The following TMEM167A variants were observed in gnomAD, a reference collection of about 807,000 sequenced individuals.
TMEM167A encodes the protein transmembrane protein 167A.
In TMEM167A, 8 loss-of-function variants were observed where a neutral mutation model predicts 11.6. That is an observed-to-expected ratio of 0.69 (90% confidence interval 0.40 to 1.24). TMEM167A has a LOEUF of 1.24. Among genes scored for constraint, TMEM167A ranks in the 50% most tolerant of loss-of-function variants. The pLI, the probability that TMEM167A is intolerant of heterozygous loss-of-function variation, is 0.01. For missense variants in TMEM167A, 62 were observed against 87.0 expected (o/e 0.71, Z 1.14); for synonymous variants, 22 against 28.0 (o/e 0.79, Z 0.67).
intron 3 of TMEM167A, among the ~76,000 whole-genome samples, chr5:83,059,195 T>C (rs1580172943): frequency 6.6e-6 from 1 of 150,452 alleles, no homozygotes; most frequent in Middle Eastern, 3.5e-3. Flanking sequence ...CTAGACACTA[T>C]TTATACTCAG....
At chr5:83,074,771 ACTCT>A (rs1233918826) in intron 1 of TMEM167A, among the ~76,000 whole-genome samples, 1 of 126,368 alleles carries the variant, frequency 7.9e-6, no homozygotes, top group Non-Finnish European at 1.8e-5. Flanking sequence ...GTATCCCCAG[ACTCT>A]TTTTTTTTTT....
rs746494762 is a variant in TMEM167A, at chr5:83,065,031, G to C, written c.90C>G (p.Ser30Arg). The C allele has an allele frequency of 8.7e-6, 14 of 1,605,218 alleles. No individual in the cohort carries two copies. The African/African-American group carries it at 1.9e-4, about 22-fold the overall frequency. Residue 30 changes from serine to arginine, a missense_variant, in exon 2 of 4, where the codon AGC becomes AGG. Ser to Arg is a moderately radical substitution (Grantham distance 110). Coordinates refer to ENST00000502346, the MANE Select transcript of TMEM167A (RefSeq NM_174909.5). ...ACCCAGTTTTATTTCTGTCCAGGAGGCTGGGTGCCAAGGATCGAATATAAG... is the reference window on the plus strand; with the variant it reads ...ACCCAGTTTTATTTCTGTCCAGGAGCCTGGGTGCCAAGGATCGAATATAAG... Reference protein sequence around the residue: ...TCAYIRSLAPSLLDRNKTGLL... With the variant: ...TCAYIRSLAPRLLDRNKTGLL...
chr5:83,063,617 A>G (rs899230620), intron 2 of TMEM167A, among the ~76,000 whole-genome samples: 3 of 152,064 alleles, frequency 2.0e-5, no homozygotes, highest in African/African-American at 7.2e-5. Flanking sequence ...TTGGTAACTC[A>G]GAGACTTAGC....
Position 83,057,056 on chromosome 5 carries a change from G to A in TMEM167A, c.*28C>T, listed in dbSNP as rs1469123125. 1 of 1,599,924 alleles carries A rather than the reference G, an allele frequency of 6.3e-7. No homozygotes were observed. Among genetic ancestry groups the A allele is most frequent in the Non-Finnish European group, 8.6e-7 (1 of 1,169,530 alleles). On this transcript the variant is annotated 3_prime_UTR_variant, in exon 4 of 4. Coordinates refer to ENST00000502346, the MANE Select transcript of TMEM167A (RefSeq NM_174909.5). ...GTCCTTGTTCACAATCAAATCTGATGGCAACTACATTCTGGCATTTTCCCC... is the reference window on the plus strand; with the variant it reads ...GTCCTTGTTCACAATCAAATCTGATAGCAACTACATTCTGGCATTTTCCCC...
At position 83,053,567 on chromosome 5, in the gene TMEM167A, G is replaced by C. The variant is rs1744289012; in HGVS notation, c.*3517C>G. ...TAAATTTCTGCCCTTGAGTAGTTTT[G>C]TGTTAGGCAGGAGGAAAAACATATT... is the stretch of plus-strand genomic sequence containing the variant. On this transcript the variant is annotated 3_prime_UTR_variant, in exon 4 of 4. Coordinates refer to ENST00000502346, the MANE Select transcript of TMEM167A (RefSeq NM_174909.5). 6.6e-6 allele frequency: 1 copy of C among 151,960 alleles called. No individual in the cohort carries two copies. Among genetic ancestry groups the C allele is most frequent in the Non-Finnish European group, 1.5e-5 (1 of 67,926 alleles). The allele number at this position is 151,960 out of a possible 1,614,324, so 9.4% of individuals were successfully genotyped here. A position where few individuals can be genotyped will look rare whatever the true frequency, so the allele number is the denominator to read the frequency against.
chr5:83,053,664 T>C lies in TMEM167A; in HGVS notation c.*3420A>G, dbSNP rs1744290142. 6.6e-6 allele frequency: 1 copy of C among 152,020 alleles called. No individual in the cohort carries two copies. Among genetic ancestry groups the C allele is most frequent in the Non-Finnish European group, 1.5e-5 (1 of 67,950 alleles). 9.4% of individuals were successfully genotyped at this position (152,020 alleles called of 1,614,324 possible). ...GTCTAAGATCTAACCTTTGCCTACC[T>C]TTCTAGGCTTATGTCTTAATACTCC... On this transcript the variant is annotated 3_prime_UTR_variant, in exon 4 of 4. Transcript: ENST00000502346.
intron 1 of TMEM167A, among the ~76,000 whole-genome samples, chr5:83,072,271 GA>G (rs1027691504): frequency 2.6e-5 from 4 of 151,798 alleles, no homozygotes; most frequent in Non-Finnish European, 4.4e-5. Flanking sequence ...ATGGTAGAGT[GA>G]AAAAAAATTA....
intron 2 of TMEM167A, chr5:83,064,274 A>T (rs1234011102): frequency 1.9e-6 from 1 of 518,802 alleles, no homozygotes; most frequent in South Asian, 1.4e-5. Context: ...TCCTTTGTTA[A>T]TGTAGCATGT....
intron 3 of TMEM167A, among the ~76,000 whole-genome samples, chr5:83,058,760 G>C (rs1744367691): frequency 6.6e-6 from 1 of 151,994 alleles, no homozygotes; most frequent in Non-Finnish European, 1.5e-5. Context: ...TTTACATGTG[G>C]ATTTAATTTT....
In TMEM167A at chr5:83,065,082, T is replaced by C; in HGVS notation, c.39A>G (p.Val13=). Reference sequence around the variant, plus strand: ...CACAGGTACATATAAGCAGCAAGATTACAGTCAATAGACTCTGAAAATTGA... The same window carrying C: ...CACAGGTACATATAAGCAGCAAGATCACAGTCAATAGACTCTGAAAATTGA... ...AIFNFQSLLT[V]ILLLICTCAY... The change falls in exon 2 of 4, where the codon GTA becomes GTG. Residue 13 remains valine (V), a synonymous_variant. Transcript: ENST00000502346. 1.2e-6 allele frequency: 2 copies of C among 1,600,446 alleles called. No individual in the cohort carries two copies. The highest frequency in any genetic ancestry group is 1.7e-6 in the Non-Finnish European group (2 of 1,175,994).
Position 83,064,104 on chromosome 5 carries a change from T to C in TMEM167A, c.113+904A>G. ...TCAACATAAAATGGTGCTTAACACG[T>C]ATATAAGTAGAAATAAAGGTTTTAA... On this transcript the variant is annotated intron_variant, in intron 2 of 3. Transcript: ENST00000502346. The C allele has an allele frequency of 7.0e-5, 25 of 356,714 alleles. 1 individual carries two copies. The highest frequency in any genetic ancestry group is 5.3e-4 in the South Asian group (24 of 44,936). 22.1% of individuals were successfully genotyped at this position (356,714 alleles called of 1,614,324 possible).
chr5:83,062,022 C>T (rs1744414323), intron 2 of TMEM167A, 111 bp from the exon 3 acceptor site: 4 of 852,736 alleles, frequency 4.7e-6, no homozygotes, highest in East Asian at 5.5e-5. Context: ...TAACCTTTAA[C>T]ACTTTGCTTC....
chr5:83,059,165 G>GAAA (rs1744372603), intron 3 of TMEM167A, among the ~76,000 whole-genome samples: 1 of 111,274 alleles, frequency 9.0e-6, no homozygotes, highest in African/African-American at 5.1e-5. Flanking sequence ...TAAATAACAA[G>GAAA]CAAAAAAAAA....
intron 1 of TMEM167A, among the ~76,000 whole-genome samples, chr5:83,071,115 C>T (rs562604262): frequency 2.0e-5 from 3 of 152,060 alleles, no homozygotes; most frequent in Non-Finnish European, 4.4e-5. Flanking sequence ...AAAGGGGTGA[C>T]TAAATCTACA....
chr5:83,054,625 C>G lies in TMEM167A; in HGVS notation c.*2459G>C, dbSNP rs927907987. On this transcript the variant is annotated 3_prime_UTR_variant, in exon 4 of 4. Coordinates refer to ENST00000502346, the MANE Select transcript of TMEM167A (RefSeq NM_174909.5). ...ACATGTTCTCATTTAGAAGTAGGAG[C>G]TAAATGATGAGAACTCAAGGACACA... The G allele has an allele frequency of 6.6e-6, 1 of 151,782 alleles. No homozygotes were observed. The highest frequency in any genetic ancestry group is 6.6e-5 in the Admixed American group (1 of 15,186). 9.4% of individuals were successfully genotyped at this position (151,782 alleles called of 1,614,324 possible).
At chr5:83,064,112 T>G (rs941106776) in intron 2 of TMEM167A, 7 of 362,840 alleles carry the variant, frequency 1.9e-5, no homozygotes, top group Non-Finnish European at 3.2e-5. Flanking sequence ...CGTATATAAG[T>G]AGAAATAAAG....
At chr5:83,062,705 C>T (rs1224837437) in intron 2 of TMEM167A, among the ~76,000 whole-genome samples, 3 of 151,950 alleles carry the variant, frequency 2.0e-5, no homozygotes, top group African/African-American at 7.2e-5. Context: ...AAGGACACTA[C>T]TTAGTTGGTC....
In TMEM167A at chr5:83,065,007, C is replaced by T. The variant is rs1561302970; in HGVS notation, c.113+1G>A. 6.3e-7 allele frequency: 1 copy of T among 1,576,782 alleles called. No homozygotes were observed. Among genetic ancestry groups the T allele is most frequent in the Non-Finnish European group, 8.7e-7 (1 of 1,153,000 alleles). ...GTGATTAGACATCATTAGTAACATA[C>T]CCAGTTTTATTTCTGTCCAGGAGGC... On this transcript the variant is annotated splice_donor_variant, in intron 2 of 3. Transcript: ENST00000502346. LOFTEE classifies it high-confidence loss of function.
intron 1 of TMEM167A, among the ~76,000 whole-genome samples, chr5:83,074,771 ACT>A (rs1287817041): frequency 7.9e-6 from 1 of 126,370 alleles, no homozygotes; most frequent in East Asian, 2.0e-4. Flanking sequence ...GTATCCCCAG[ACT>A]CTTTTTTTTT....
Sources: allele counts gnomAD v4.1 joint callset (sites outside exome capture counted in the v4.1 genomes callset), GRCh38; gene constraint gnomAD v4.1.1; transcripts MANE v1.5; gene names NCBI Gene and HGNC (gene_info 2026-07-23, HGNC 2026-07-21).